The following ENPP2 variants were observed in gnomAD, a reference collection of about 807,000 sequenced individuals.
ENPP2 encodes ectonucleotide pyrophosphatase/phosphodiesterase 2, also known as autotaxin.
In ENPP2, 51 loss-of-function variants were observed where a neutral mutation model predicts 120.2. The ratio of observed to expected loss-of-function variants is 0.42; its 90% confidence interval spans 0.34 to 0.54. The LOEUF is 0.54. Among genes scored for constraint, ENPP2 ranks in the 20% least tolerant of loss-of-function variants. The pLI is 0.04. For missense variants in ENPP2, 920 were observed against 1,066.5 expected, an observed-to-expected ratio of 0.86 and a Z score of 1.91; for synonymous variants, 365 against 366.4, an observed-to-expected ratio of 1.00 and a Z score of 0.04.
intron 11 of ENPP2, chr8:119,595,918 C>A (rs1196313219): frequency 1.9e-6 from 3 of 1,613,592 alleles, no homozygotes; most frequent in Admixed American, 3.3e-5. Flanking sequence ...TTTGGAGGAG[C>A]AACTGGTCTT....
chr8:119,569,799 G>A (rs1033974146), intron 20 of ENPP2, among the ~76,000 whole-genome samples: 7 of 150,468 alleles, frequency 4.7e-5, no homozygotes, highest in Admixed American at 2.0e-4. Flanking sequence ...ACATACGTAT[G>A]TGTACACAGT....
chr8:119,659,832 C>T (rs1817871931), intron 1 of ENPP2, among the ~76,000 whole-genome samples: 1 of 152,082 alleles, frequency 6.6e-6, no homozygotes, highest in African/African-American at 2.4e-5. Flanking sequence ...ATTAAGAAGG[C>T]CATTTTCTGG....
In ENPP2 at chr8:119,672,027, C is replaced by T. The variant is rs1413745131; in HGVS notation, c.21+1225G>A. On this transcript the variant is annotated intron_variant, in intron 1 of 25. Transcript: ENST00000427067. ...CGTGGGAGGGGGGGAGTTGAAAATG[C>T]TCTATGGTTTTGCTACAAGGAGGTC... is the stretch of plus-strand genomic sequence containing the variant. Among the ~76,000 whole-genome samples, 5 of 152,204 alleles carry T rather than the reference C, an allele frequency of 3.3e-5. No homozygotes were observed. In the East Asian group the frequency reaches 9.7e-4, roughly 29 times the overall value.
intron 1 of ENPP2, among the ~76,000 whole-genome samples, chr8:119,660,904 C>A (rs534140739): frequency 6.6e-6 from 1 of 152,126 alleles, no homozygotes; most frequent in African/African-American, 2.4e-5. Flanking sequence ...ACAAAGGAAA[C>A]CTTCAACAGA....
At chr8:119,598,130 T>C (rs1814034929) in intron 11 of ENPP2, among the ~76,000 whole-genome samples, 1 of 152,244 alleles carries the variant, frequency 6.6e-6, no homozygotes, top group Non-Finnish European at 1.5e-5. Context: ...AGAGAATTTT[T>C]GCTGACTTGC....
chr8:119,568,545 A>C (rs1814681577), intron 21 of ENPP2, among the ~76,000 whole-genome samples: 1 of 152,008 alleles, frequency 6.6e-6, no homozygotes, highest in African/African-American at 2.4e-5. Flanking sequence ...TGATTTCATC[A>C]GTGCCATTTA....
At chr8:119,566,256 CAGA>C (rs1345941053) in intron 22 of ENPP2, among the ~76,000 whole-genome samples, 3 of 152,148 alleles carry the variant, frequency 2.0e-5, no homozygotes, top group Admixed American at 6.6e-5. Context: ...AAGAGAATAA[CAGA>C]AGGAGACAGG....
chr8:119,646,056 C>T (rs962070249), intron 1 of ENPP2, among the ~76,000 whole-genome samples: 2 of 151,872 alleles, frequency 1.3e-5, no homozygotes, highest in Admixed American at 6.5e-5. Flanking sequence ...GCAGCCTCCG[C>T]CTCCTGGGTT....
intron 1 of ENPP2, among the ~76,000 whole-genome samples, chr8:119,660,691 A>T (rs1267405262): frequency 1.3e-5 from 2 of 152,208 alleles, no homozygotes; most frequent in Non-Finnish European, 2.9e-5. Flanking sequence ...GTACAGCTTC[A>T]ATGAGAGTTT....
At chr8:119,652,201 AG>A (rs1408762826) in intron 1 of ENPP2, among the ~76,000 whole-genome samples, 2 of 152,134 alleles carry the variant, frequency 1.3e-5, no homozygotes, top group Admixed American at 6.5e-5. Flanking sequence ...TGGAAGGGTA[AG>A]GGTCTCTGTG....
intron 7 of ENPP2, 39 bp from the exon 8 acceptor site, chr8:119,616,423 C>A: frequency 6.9e-7 from 1 of 1,446,284 alleles, no homozygotes; most frequent in Non-Finnish European, 9.6e-7. Context: ...AATAACAATA[C>A]AATAATCCAC....
chr8:119,647,331 T>C (rs1587568583), intron 1 of ENPP2, among the ~76,000 whole-genome samples: 1 of 152,144 alleles, frequency 6.6e-6, no homozygotes, highest in Non-Finnish European at 1.5e-5. Flanking sequence ...CCATCCCTTT[T>C]GATCTCTCCA....
intron 8 of ENPP2, among the ~76,000 whole-genome samples, chr8:119,611,247 A>G (rs1020834783): frequency 2.0e-5 from 3 of 152,246 alleles, no homozygotes; most frequent in African/African-American, 7.2e-5. Context: ...TTCAAAAAAC[A>G]TAAACTACTA....
chr8:119,665,093 T>C (rs1425031727), intron 1 of ENPP2, among the ~76,000 whole-genome samples: 1 of 152,182 alleles, frequency 6.6e-6, no homozygotes, highest in Non-Finnish European at 1.5e-5. Context: ...ACATCAGTCA[T>C]ATTGGGTTAG....
intron 2 of ENPP2, among the ~76,000 whole-genome samples, chr8:119,638,096 G>A (rs1033936206): frequency 8.5e-5 from 13 of 152,148 alleles, no homozygotes; most frequent in African/African-American, 3.1e-4. Flanking sequence ...TCAGATTTGG[G>A]TAGCTCCAAT....
At chr8:119,603,072 T>C (rs2130581593) in intron 9 of ENPP2, among the ~76,000 whole-genome samples, 1 of 152,328 alleles carries the variant, frequency 6.6e-6, no homozygotes, top group Middle Eastern at 3.4e-3. Context: ...TCCAATGCTA[T>C]TGGATAAATG....
chr8:119,670,504 A>G (rs1818209525), intron 1 of ENPP2, among the ~76,000 whole-genome samples: 1 of 152,208 alleles, frequency 6.6e-6, no homozygotes, highest in South Asian at 2.1e-4. Context: ...ATACTAAGAC[A>G]AAAAGAGTTG....
Position 119,557,280 on chromosome 8 carries a change from T to G in ENPP2, c.*241A>C. The G allele has an allele frequency of 2.2e-6, 1 of 450,380 alleles. No individual in the cohort carries two copies. The highest frequency in any genetic ancestry group is 2.0e-5 in the African/African-American group (1 of 48,846). 27.9% of individuals were successfully genotyped at this position (450,380 alleles called of 1,614,324 possible). A position where few individuals can be genotyped will look rare whatever the true frequency, so the allele number is the denominator to read the frequency against. On this transcript the variant is annotated 3_prime_UTR_variant, in exon 25 of 25. Coordinates refer to ENST00000075322, the MANE Select transcript of ENPP2 (RefSeq NM_001040092.3). ...TGCAAATATCAAATCTGCAGCACCA[T>G]TTAGAAGCTTCCACTAAAAACTCAA...
At chr8:119,606,349 C>T (rs747330445) in intron 9 of ENPP2, among the ~76,000 whole-genome samples, 5 of 152,116 alleles carry the variant, frequency 3.3e-5, no homozygotes, top group Non-Finnish European at 7.4e-5. Context: ...GAACACTGGG[C>T]CTTTTCAATG....
Sources: gnomAD v4.1 joint callset for allele counts (sites outside exome capture counted in the v4.1 genomes callset) on GRCh38, gnomAD v4.1.1 for gene constraint, MANE v1.5 for transcripts, NCBI Gene and HGNC (gene_info 2026-07-23, HGNC 2026-07-21) for gene names.